HHAT: variants seen among roughly 807,000 people sequenced by gnomAD.
HHAT encodes the protein protein-cysteine N-palmitoyltransferase HHAT.
Under a neutral mutation model 70.8 loss-of-function variants are expected in HHAT, and 47 were observed. The observed-to-expected ratio is 0.66, with a 90% confidence interval of 0.53 to 0.85. The LOEUF (loss-of-function observed/expected upper bound fraction) is 0.85. HHAT is among the 40% of genes least tolerant of loss of function. The pLI, the probability that HHAT is intolerant of heterozygous loss-of-function variation, is 0.00. For missense variants in HHAT, 609 were observed against 604.8 expected, an observed-to-expected ratio of 1.01 and a Z score of -0.07; for synonymous variants, 228 against 247.6, an observed-to-expected ratio of 0.92 and a Z score of 0.74.
intron 6 of HHAT, among the ~76,000 whole-genome samples, chr1:210,411,587 T>TAC (rs1485099524): frequency 7.2e-6 from 1 of 138,980 alleles, no homozygotes; most frequent in East Asian, 2.3e-4. Flanking sequence ...AACTCAGCTC[T>TAC]ACAAAAAATA....
intron 9 of HHAT, among the ~76,000 whole-genome samples, chr1:210,534,964 G>C (rs752149466): frequency 1.3e-5 from 2 of 152,124 alleles, no homozygotes; most frequent in African/African-American, 2.4e-5. Context: ...TGCCTTCAAT[G>C]GGAGTACTGC....
intron 11 of HHAT, among the ~76,000 whole-genome samples, chr1:210,646,995 C>A (rs963564099): frequency 1.3e-5 from 2 of 152,168 alleles, no homozygotes; most frequent in Non-Finnish European, 1.5e-5. Context: ...ATGATTTCTT[C>A]CCACTGTATT....
chr1:210,592,879 C>CTT (rs35245794), intron 10 of HHAT, among the ~76,000 whole-genome samples: 4,016 of 145,452 alleles, frequency 0.028, 61 homozygotes, highest in Non-Finnish European at 0.039. Context: ...ACCAACTTTT[C>CTT]TTTTTTTTTT....
rs61407414 is a variant in HHAT at position 210,437,166 on chromosome 1, A to T, written c.856+18841A>T. Among the ~76,000 whole-genome samples, 880 of 152,000 alleles carry T rather than the reference A, an allele frequency of 5.8e-3. 27 individuals are homozygous for T. The highest frequency in any genetic ancestry group is 0.02 in the African/African-American group (844 of 41,262). On this transcript the variant is annotated intron_variant, in intron 7 of 11. Transcript: ENST00000261458. ...TCCCGTGGGATAGAATCTCAACATC[A>T]CATGATGATGTATATGGGAACCTTT...
chr1:210,501,851 C>T (rs1313881462), intron 8 of HHAT, among the ~76,000 whole-genome samples: 1 of 152,148 alleles, frequency 6.6e-6, no homozygotes, highest in Non-Finnish European at 1.5e-5. Context: ...TGCCTTGCTT[C>T]ATCCGAGACC....
intron 11 of HHAT, among the ~76,000 whole-genome samples, chr1:210,644,691 T>G (rs1323804877): frequency 6.6e-6 from 1 of 151,970 alleles, no homozygotes; most frequent in East Asian, 1.9e-4. Context: ...AAAATTAGTT[T>G]GGGAACTTTT....
chr1:210,400,026 A>G (rs375009693), intron 4 of HHAT, among the ~76,000 whole-genome samples: 11 of 152,324 alleles, frequency 7.2e-5, no homozygotes, highest in African/African-American at 2.4e-4. Flanking sequence ...AGTTTTCTTA[A>G]TAGGTCTTCC....
chr1:210,469,167 G>A (rs1369920374), intron 8 of HHAT, among the ~76,000 whole-genome samples: 1 of 152,122 alleles, frequency 6.6e-6, no homozygotes, highest in Non-Finnish European at 1.5e-5. Context: ...CTGATGAAAG[G>A]CTCAATTTCA....
At position 210,587,351 on chromosome 1, in the gene HHAT, C is replaced by A. The variant is rs569169954; in HGVS notation, c.1044-547C>A. 1.1e-3 allele frequency among the ~76,000 whole-genome samples: 173 copies of A among 152,300 alleles called. 1 individual carries two copies. The highest frequency in any genetic ancestry group is 3.9e-3 in the African/African-American group (162 of 41,562). On this transcript the variant is annotated intron_variant, in intron 9 of 11. Transcript: ENST00000261458. ...ATGTGCAGGGGAACTGCCCTTTATA[C>A]AACCATCAGATCTCGTGTGAGACTT...
chr1:210,329,112 A>C lies in HHAT; in HGVS notation c.-44+8A>C. 1 of 1,378,528 alleles carries C rather than the reference A, an allele frequency of 7.3e-7. No homozygotes were observed. The highest frequency in any genetic ancestry group is 9.4e-7 in the Non-Finnish European group (1 of 1,064,936). The allele number at this position is 1,378,528 out of a possible 1,614,324, so 85.4% of individuals were successfully genotyped here. A position where few individuals can be genotyped will look rare whatever the true frequency, so the allele number is the denominator to read the frequency against. Reference sequence around the variant, plus strand: ...GCCCGGGACAGCCCGGAGGTTGGTAACTGGTGACCATAGGGGGTCCTGGGG... The same window carrying C: ...GCCCGGGACAGCCCGGAGGTTGGTACCTGGTGACCATAGGGGGTCCTGGGG... On this transcript the variant is annotated splice_region_variant and intron_variant, in intron 1 of 11. Coordinates refer to ENST00000261458, the MANE Select transcript of HHAT (RefSeq NM_018194.6).
chr1:210,585,802 A>T (rs1660310382), intron 9 of HHAT, among the ~76,000 whole-genome samples: 1 of 152,190 alleles, frequency 6.6e-6, no homozygotes, highest in Non-Finnish European at 1.5e-5. Context: ...TGGAATATTA[A>T]GAGGAAACAT....
chr1:210,515,894 A>T (rs1471645352), intron 9 of HHAT, among the ~76,000 whole-genome samples: 1 of 152,092 alleles, frequency 6.6e-6, no homozygotes, highest in African/African-American at 2.4e-5. Context: ...ATGAAAAAAA[A>T]TAGTGCCTCT....
chr1:210,581,120 T>C (rs1057285703), intron 9 of HHAT, among the ~76,000 whole-genome samples: 1 of 152,262 alleles, frequency 6.6e-6, no homozygotes, highest in Non-Finnish European at 1.5e-5. Context: ...CACATAAATG[T>C]CTTCTTTTGA....
intron 9 of HHAT, among the ~76,000 whole-genome samples, chr1:210,566,211 C>T (rs1264987203): frequency 6.6e-6 from 1 of 152,160 alleles, no homozygotes; most frequent in Non-Finnish European, 1.5e-5. Flanking sequence ...TGATGATTGA[C>T]ATTTACTAGA....
chr1:210,476,919 T>C (rs1407797290), intron 8 of HHAT, among the ~76,000 whole-genome samples: 1 of 152,234 alleles, frequency 6.6e-6, no homozygotes, highest in East Asian at 1.9e-4. Flanking sequence ...CTGGGCCAGA[T>C]GACTTCTCAG....
At chr1:210,412,035 G>A (rs1413460116) in intron 6 of HHAT, among the ~76,000 whole-genome samples, 1 of 152,186 alleles carries the variant, frequency 6.6e-6, no homozygotes, top group Admixed American at 6.5e-5. Flanking sequence ...TCTGGTAAGG[G>A]CCTGCTTCCT....
At chr1:210,392,673 C>T (rs985724170) in intron 4 of HHAT, among the ~76,000 whole-genome samples, 3 of 151,946 alleles carry the variant, frequency 2.0e-5, no homozygotes, top group Admixed American at 6.5e-5. Flanking sequence ...TAGCTTCAAG[C>T]GATCCTCCCA....
intron 4 of HHAT, among the ~76,000 whole-genome samples, chr1:210,399,105 A>G (rs6540592): frequency 0.62 from 94,152 of 152,138 alleles, 29,487 homozygotes; most frequent in African/African-American, 0.69. Flanking sequence ...ACCTAAGTTC[A>G]GGCACTTATC....
At chr1:210,355,809 G>A (rs1341099902) in intron 2 of HHAT, among the ~76,000 whole-genome samples, 1 of 152,134 alleles carries the variant, frequency 6.6e-6, no homozygotes, top group East Asian at 1.9e-4. Flanking sequence ...GTTTGTCTAG[G>A]CATGAAATCT....
Sources: gnomAD v4.1 joint callset for allele counts (sites outside exome capture counted in the v4.1 genomes callset) on GRCh38, gnomAD v4.1.1 for gene constraint, MANE v1.5 for transcripts, NCBI Gene and HGNC (gene_info 2026-07-23, HGNC 2026-07-21) for gene names.